PALLD: variants seen among roughly 807,000 people sequenced by gnomAD.
PALLD encodes the protein palladin, cytoskeletal associated protein.
PALLD carries 61 observed loss-of-function variants against 123.5 expected under a neutral mutation model. The observed-to-expected ratio is 0.49, with a 90% confidence interval of 0.40 to 0.61. The LOEUF is 0.61. Ranked by LOEUF, PALLD falls within the 20% of genes least tolerant of loss-of-function variation. The pLI is 0.00. For synonymous variants in PALLD, 465 were observed against 496.4 expected (o/e 0.94, Z 0.84); for missense variants, 1,273 against 1,377.0 (o/e 0.92, Z 1.20).
intron 10 of PALLD, among the ~76,000 whole-genome samples, chr4:168,781,199 T>C (rs920105284): frequency 7.5e-4 from 114 of 152,222 alleles, no homozygotes; most frequent in African/African-American, 2.3e-3. Context: ...AACACCAGCA[T>C]GGAATCAAAA....
At position 168,840,202 on chromosome 4, in the gene PALLD, T is replaced by TA. The variant is rs1745841710; in HGVS notation, c.1965-50718dup. On this transcript the variant is annotated intron_variant, in intron 10 of 21. Coordinates refer to ENST00000505667, the MANE Select transcript of PALLD (RefSeq NM_001166108.2). ...TCTCACATTGCACCATTTTGTTATGTAACAGAGAACGTTTGAGTACATACT... is the reference window on the plus strand; with the variant it reads ...TCTCACATTGCACCATTTTGTTATGTAAACAGAGAACGTTTGAGTACATACT... Among the ~76,000 whole-genome samples the TA allele has an allele frequency of 7.2e-5, 11 of 152,336 alleles. No individual in the cohort carries two copies. The South Asian group carries it at 2.3e-3, about 32-fold the overall frequency.
intron 2 of PALLD, among the ~76,000 whole-genome samples, chr4:168,557,431 C>T (rs1031669452): frequency 8.5e-5 from 13 of 152,170 alleles, no homozygotes; most frequent in South Asian, 2.1e-4. Flanking sequence ...TTCCAAGCAA[C>T]GGATCCCTAT....
At chr4:168,530,879 T>C (rs1439353831) in intron 2 of PALLD, among the ~76,000 whole-genome samples, 1 of 152,222 alleles carries the variant, frequency 6.6e-6, no homozygotes, top group Non-Finnish European at 1.5e-5. Flanking sequence ...CTCAGCTTTC[T>C]CTTTTATCCT....
intron 2 of PALLD, among the ~76,000 whole-genome samples, chr4:168,557,744 T>C (rs1767467110): frequency 6.6e-6 from 1 of 152,196 alleles, no homozygotes; most frequent in Non-Finnish European, 1.5e-5. Context: ...CCTAATCCCA[T>C]GTAATTCTCA....
chr4:168,792,423 TA>T (rs898933025), intron 10 of PALLD, among the ~76,000 whole-genome samples: 2 of 152,142 alleles, frequency 1.3e-5, no homozygotes, highest in African/African-American at 4.8e-5. Flanking sequence ...AGTTTGTCTT[TA>T]CTCCGCAGCC....
chr4:168,564,845 T>C (rs1272652979), intron 2 of PALLD, among the ~76,000 whole-genome samples: 1 of 152,080 alleles, frequency 6.6e-6, no homozygotes, highest in East Asian at 1.9e-4. Context: ...CACCCTCATA[T>C]TTGCTCCCAT....
At chr4:168,802,880 C>T (rs748432966) in intron 10 of PALLD, among the ~76,000 whole-genome samples, 35 of 152,054 alleles carry the variant, frequency 2.3e-4, no homozygotes, top group African/African-American at 2.7e-4. Context: ...GTAGTAGAGA[C>T]GGGGTTTCTC....
intron 2 of PALLD, among the ~76,000 whole-genome samples, chr4:168,634,984 C>T (rs948056491): frequency 5.3e-5 from 8 of 152,160 alleles, no homozygotes; most frequent in Non-Finnish European, 1.0e-4. Context: ...AACAGGAAAA[C>T]GTAGGATTTA....
intron 10 of PALLD, among the ~76,000 whole-genome samples, chr4:168,817,645 A>T (rs1742164139): frequency 6.6e-6 from 1 of 152,184 alleles, no homozygotes; most frequent in South Asian, 2.1e-4. Context: ...CTTTTTTTGC[A>T]GTACGGGTGG....
At chr4:168,917,290 C>T (rs1236785058) in intron 17 of PALLD, among the ~76,000 whole-genome samples, 3 of 152,004 alleles carry the variant, frequency 2.0e-5, no homozygotes, top group Admixed American at 6.6e-5. Context: ...CCTCGTGATC[C>T]GCCCTCCTCG....
chr4:168,678,773 ATG>A (rs35217582), intron 3 of PALLD, among the ~76,000 whole-genome samples: 42,105 of 148,952 alleles, frequency 0.28, 8,502 homozygotes, highest in African/African-American at 0.58. Flanking sequence ...TCAGAGGGGT[ATG>A]TGTGTGTGTG....
chr4:168,919,269 A>G (rs1401568772), intron 17 of PALLD, among the ~76,000 whole-genome samples: 1 of 152,210 alleles, frequency 6.6e-6, no homozygotes, highest in Non-Finnish European at 1.5e-5. Flanking sequence ...CACGCCTGTA[A>G]TCCTAAAACT....
At chr4:168,527,047 T>C (rs1764115559) in intron 2 of PALLD, among the ~76,000 whole-genome samples, 2 of 152,186 alleles carry the variant, frequency 1.3e-5, no homozygotes, top group South Asian at 4.1e-4. Context: ...TCTCCTCCTT[T>C]GCCAGCTGCT....
chr4:168,527,121 G>A (rs1351235952), intron 2 of PALLD, among the ~76,000 whole-genome samples: 1 of 152,038 alleles, frequency 6.6e-6, no homozygotes, highest in Non-Finnish European at 1.5e-5. Flanking sequence ...ACATATACGC[G>A]ACAGCAATCC....
intron 1 of PALLD, among the ~76,000 whole-genome samples, chr4:168,499,355 A>C: frequency 3.7e-5 from 1 of 26,726 alleles, no homozygotes. Flanking sequence ...GAAGGGAGGG[A>C]GGGGGGAGGG....
chr4:168,560,591 T>C (rs1288065552), intron 2 of PALLD, among the ~76,000 whole-genome samples: 1 of 152,218 alleles, frequency 6.6e-6, no homozygotes, highest in Non-Finnish European at 1.5e-5. Flanking sequence ...ATGATTTAAG[T>C]GATTCATAGC....
chr4:168,863,008 T>C (rs1202773901), intron 10 of PALLD, among the ~76,000 whole-genome samples: 1 of 152,208 alleles, frequency 6.6e-6, no homozygotes, highest in Non-Finnish European at 1.5e-5. Flanking sequence ...TTCTCTGCCC[T>C]TCACCAGAGC....
At chr4:168,504,780 T>C (rs879429616) in intron 1 of PALLD, 1 of 152,196 alleles carries the variant, frequency 6.6e-6, no homozygotes, top group Admixed American at 6.5e-5. Flanking sequence ...AATTTAAAGA[T>C]GCCAAAGAAT....
At chr4:168,702,050 G>T (rs541418075) in intron 8 of PALLD, among the ~76,000 whole-genome samples, 1 of 152,316 alleles carries the variant, frequency 6.6e-6, no homozygotes, top group Non-Finnish European at 1.5e-5. Flanking sequence ...TAATTCTCAT[G>T]AATCATTTGG....
Sources: gnomAD v4.1 joint callset for allele counts (sites outside exome capture counted in the v4.1 genomes callset) on GRCh38, gnomAD v4.1.1 for gene constraint, MANE v1.5 for transcripts, NCBI Gene and HGNC (gene_info 2026-07-23, HGNC 2026-07-21) for gene names.